Variants in KRT73 observed in about 807,000 individuals in gnomAD.
The protein encoded by KRT73 is keratin, type II cytoskeletal 73.
KRT73 carries 44 observed loss-of-function variants against 47.2 expected under a neutral mutation model. The ratio of observed to expected loss-of-function variants is 0.93; its 90% CI spans 0.73 to 1.20. The LOEUF is 1.20. Ranked by LOEUF, KRT73 falls within the 50% of genes most tolerant of loss-of-function variation. The pLI is 0.00. For synonymous variants in KRT73, 285 were observed against 291.3 expected (o/e 0.98, Z 0.22); for missense variants, 713 against 704.5 (o/e 1.01, Z -0.14).
the KRT73 span, among the ~76,000 whole-genome samples, chr12:52,623,580 A>G: frequency 2.0e-5 from 3 of 152,162 alleles, no homozygotes; most frequent in Non-Finnish European, 4.4e-5. Flanking sequence ...AATACAATAG[A>G]CTTTCCTTCT....
At chr12:52,615,023 C>T in intron 3 of KRT73, 2 of 540,928 alleles carry the variant, frequency 3.7e-6, no homozygotes, top group South Asian at 5.7e-5. Context: ...CTCCCAAAGC[C>T]TGTCCTGTTC....
chr12:52,621,816 C>T (rs1025844813), upstream of KRT73, among the ~76,000 whole-genome samples: 1 of 152,242 alleles, frequency 6.6e-6, no homozygotes, highest in East Asian at 1.9e-4. Flanking sequence ...GCCCCAACTG[C>T]CCCCTCCCCC....
upstream of KRT73, among the ~76,000 whole-genome samples, chr12:52,623,271 G>A (rs1940928467): frequency 2.6e-5 from 4 of 152,196 alleles, no homozygotes; most frequent in African/African-American, 7.2e-5. Context: ...AAAACAATTT[G>A]AAGGACAGAA....
intron 1 of KRT73, among the ~76,000 whole-genome samples, chr12:52,617,589 G>A (rs761104062): frequency 8.5e-5 from 13 of 152,158 alleles, no homozygotes; most frequent in Admixed American, 1.3e-4. Context: ...CAGCTGGGTC[G>A]CATGGCAGTC....
the KRT73 span, among the ~76,000 whole-genome samples, chr12:52,629,508 G>T: frequency 6.6e-6 from 1 of 152,200 alleles, no homozygotes; most frequent in African/African-American, 2.4e-5. Flanking sequence ...ATAGTGACCT[G>T]CCCAAGGCCA....
Position 52,615,345 on chromosome 12 carries a change from G to A in KRT73, c.663-6C>T. On this transcript the variant is annotated splice_polypyrimidine_tract_variant and splice_region_variant and intron_variant, in intron 2 of 8. Transcript: ENST00000305748. The stretch of plus-strand genomic sequence containing the variant: ...TGTTTATTTCTTCTTCATACCTGCA[G>A]GGAAAGCATCACAGGAAGCAGAGTG... The A allele has an allele frequency of 6.2e-6, 10 of 1,613,314 alleles. No individual in the cohort carries two copies. The highest frequency in any genetic ancestry group is 8.5e-6 in the Non-Finnish European group (10 of 1,179,360).
chr12:52,616,370 A>G lies in KRT73; in HGVS notation c.458T>C (p.Leu153Pro). The G allele has an allele frequency of 6.2e-7, 1 of 1,614,180 alleles. No individual in the cohort carries two copies. Among genetic ancestry groups the G allele is most frequent in the Non-Finnish European group, 8.5e-7 (1 of 1,180,030 alleles). Residue 153 changes from leucine to proline, a missense_variant, in exon 2 of 9, where the codon CTG becomes CCG. Physicochemically the swap from Leu to Pro is moderately conservative, Grantham distance 98 (BLOSUM62 -3). Transcript: ENST00000305748. Reference protein sequence around the residue: ...FASFIDKVRFLEQQNQVLETK... With the variant: ...FASFIDKVRFPEQQNQVLETK... ...CTCCAGCACCTGGTTCTGCTGCTCC[A>G]GGAACCGCACCTGGAACCCATGCCA...
At chr12:52,614,165 A>G (rs666271) in intron 4 of KRT73, 14,678 of 352,004 alleles carry the variant, frequency 0.042, 1,142 homozygotes, top group Admixed American at 0.17. Flanking sequence ...AGGAGCCCAG[A>G]AATGCTTGGC....
Position 52,618,249 on chromosome 12 carries a change from C to A in KRT73, c.276G>T (p.Gly92=), listed in dbSNP as rs1157955470. 3.1e-6 allele frequency: 5 copies of A among 1,614,206 alleles called. No individual in the cohort carries two copies. Among genetic ancestry groups the A allele is most frequent in the Admixed American group, 1.7e-5 (1 of 60,020 alleles). Reference sequence around the variant, plus strand: ...GCGGGCACAACGACGGACACACGGACCCCAAGGCCACACTGCCAAACATGC... The same window carrying A: ...GCGGGCACAACGACGGACACACGGAACCCAAGGCCACACTGCCAAACATGC... ...AGSMFGSVAL[G]SVCPSLCPPG... is the part of the protein sequence containing the mutation. Residue 92 remains glycine (G), a synonymous_variant, in exon 1 of 9, where the codon GGG becomes GGT. Transcript: ENST00000305748.
At chr12:52,614,254 G>T (rs976972440) in intron 4 of KRT73, 1 of 352,272 alleles carries the variant, frequency 2.8e-6, no homozygotes, top group Non-Finnish European at 5.1e-6. Flanking sequence ...TATCCCTGGG[G>T]ATTCCTGCCC....
rs377762944 is a variant in KRT73 at position 52,608,451 on chromosome 12, C to A, written c.1368G>T (p.Ser456=). The A allele has an allele frequency of 1.3e-5, 21 of 1,607,582 alleles. 1 individual carries two copies. The African/African-American group carries it at 2.7e-4, about 20-fold the overall frequency. Residue 456 remains serine, a splice_region_variant and synonymous_variant, in exon 9 of 9, where the codon TCG becomes TCT. Coordinates refer to ENST00000305748, the MANE Select transcript of KRT73 (RefSeq NM_175068.3). ...TCCCGGCCATGGAGCTGTTGATGACCGCTGCAGAGGAGGGAGGGACGAGTG... is the reference window on the plus strand; with the variant it reads ...TCCCGGCCATGGAGCTGTTGATGACAGCTGCAGAGGAGGGAGGGACGAGTG... The part of the protein sequence containing the change: ...SGEYTNSVSI[S]VINSSMAGMA...
At chr12:52,613,580 G>A in intron 5 of KRT73, 108 bp downstream of exon 5, 1 of 1,547,700 alleles carries the variant, frequency 6.5e-7, no homozygotes, top group Non-Finnish European at 8.7e-7. Context: ...GGAGAGTGCT[G>A]TGCTCCCAGC....
the KRT73 span, among the ~76,000 whole-genome samples, chr12:52,624,048 C>T: frequency 6.6e-6 from 1 of 152,028 alleles, no homozygotes; most frequent in South Asian, 2.1e-4. Context: ...TATTTTAAAA[C>T]ATGAACCAAC....
At chr12:52,620,180 C>T (rs1479461143), upstream of KRT73, among the ~76,000 whole-genome samples, 1 of 126,430 alleles carries the variant, frequency 7.9e-6, no homozygotes, top group African/African-American at 3.1e-5. Flanking sequence ...ATAGCATGAT[C>T]TCGGCTCATC....
the KRT73 span, among the ~76,000 whole-genome samples, chr12:52,630,657 A>G: frequency 6.6e-6 from 1 of 152,042 alleles, no homozygotes; most frequent in Admixed American, 6.5e-5. Flanking sequence ...CCCCCCTCCA[A>G]AGGCTACCAC....
chr12:52,613,926 A>T (rs1940758439), intron 4 of KRT73, 74 bp from the exon 5 acceptor site: 2 of 1,573,450 alleles, frequency 1.3e-6, no homozygotes, highest in Admixed American at 1.7e-5. Context: ...GCCCTGTCCC[A>T]GAGGGATGGC....
rs773867921 is a variant in KRT73 at position 52,614,666 on chromosome 12, G to C, written c.732C>G (p.Asp244Glu). 1 of 1,613,174 alleles carries C rather than the reference G, an allele frequency of 6.2e-7. No homozygotes were observed. Among genetic ancestry groups the C allele is most frequent in the Non-Finnish European group, 8.5e-7 (1 of 1,179,596 alleles). Residue 244 changes from aspartate (D) to glutamate (E), a missense_variant, in exon 4 of 9, where the codon GAC becomes GAG. Asp to Glu is a conservative substitution (Grantham distance 45, BLOSUM62 2). Transcript: ENST00000305748. ...NEFVVLKKDV[D>E]AAYTSKVELQ... is the part of the protein sequence containing the mutation. ...GCTCCACTTTGCTCGTGTAAGCTGCGTCCACGTCCTATGGAGAATCCAGAT... is the reference window on the plus strand; with the variant it reads ...GCTCCACTTTGCTCGTGTAAGCTGCCTCCACGTCCTATGGAGAATCCAGAT...
upstream of KRT73, among the ~76,000 whole-genome samples, chr12:52,618,737 G>A (rs772118065): frequency 1.4e-4 from 21 of 152,212 alleles, no homozygotes; most frequent in Non-Finnish European, 2.5e-4. Context: ...TGCTAGTCTT[G>A]CAAGTCTTGC....
intron 7 of KRT73, 162 bp downstream of exon 7, chr12:52,610,453 A>G (rs1250069989): frequency 2.8e-6 from 2 of 711,066 alleles, no homozygotes; most frequent in Admixed American, 4.6e-5. Context: ...TGTAAAGGAA[A>G]TTGCTGTCAC....
Sources: allele counts gnomAD v4.1 joint callset (sites outside exome capture counted in the v4.1 genomes callset), GRCh38; gene constraint gnomAD v4.1.1; transcripts MANE v1.5; gene names NCBI Gene and HGNC (gene_info 2026-07-23, HGNC 2026-07-21).